The following PAPPA variants were observed in gnomAD, a reference collection of about 807,000 sequenced individuals.
PAPPA encodes pappalysin 1.
In PAPPA, 60 loss-of-function variants were observed where a neutral mutation model predicts 164.0. That is an observed-to-expected ratio of 0.37 (90% CI 0.30 to 0.45). The LOEUF (loss-of-function observed/expected upper bound fraction) is 0.45. Ranked by LOEUF, PAPPA falls within the 20% of genes least tolerant of loss-of-function variation. The pLI is 1.00. For missense variants in PAPPA, 1,782 were observed against 2,087.3 expected, an observed-to-expected ratio of 0.85 and a Z score of 2.85; for synonymous variants, 875 against 814.1, an observed-to-expected ratio of 1.07 and a Z score of -1.27.
chr9:116,157,871 C>A (rs1330325555), intron 1 of PAPPA, among the ~76,000 whole-genome samples: 1 of 152,084 alleles, frequency 6.6e-6, no homozygotes, highest in Non-Finnish European at 1.5e-5. Context: ...AGGAACCAGA[C>A]CCCTGTTCCT....
chr9:116,291,134 T>G (rs1845430710), intron 9 of PAPPA, among the ~76,000 whole-genome samples: 1 of 152,210 alleles, frequency 6.6e-6, no homozygotes, highest in Admixed American at 6.5e-5. Flanking sequence ...ACAATCTTTT[T>G]AAGCCATTCA....
intron 1 of PAPPA, among the ~76,000 whole-genome samples, chr9:116,177,668 C>T (rs914891857): frequency 6.6e-6 from 1 of 152,138 alleles, no homozygotes; most frequent in Non-Finnish European, 1.5e-5. Context: ...TCATTGTCTC[C>T]AGGCTTGATG....
chr9:116,211,566 G>A, intron 3 of PAPPA, 73 bp from the exon 4 acceptor site: 4 of 1,359,330 alleles, frequency 2.9e-6, no homozygotes, highest in Non-Finnish European at 4.1e-6. Flanking sequence ...CTTTATCCTT[G>A]ATGGACTTGG....
intron 4 of PAPPA, among the ~76,000 whole-genome samples, chr9:116,212,474 A>G (rs957219974): frequency 6.6e-6 from 1 of 152,138 alleles, no homozygotes; most frequent in Admixed American, 6.5e-5. Context: ...TTAGAACAAG[A>G]CACCCCTTCC....
chr9:116,185,292 G>GA (rs775077053), intron 1 of PAPPA, among the ~76,000 whole-genome samples: 19 of 152,164 alleles, frequency 1.2e-4, no homozygotes, highest in Non-Finnish European at 2.5e-4. Context: ...GCCATTTCCT[G>GA]AAAAATGGCT....
chr9:116,275,856 C>T (rs564074611), intron 9 of PAPPA, among the ~76,000 whole-genome samples: 4 of 152,212 alleles, frequency 2.6e-5, no homozygotes, highest in Non-Finnish European at 2.9e-5. Context: ...CCCACACATC[C>T]GGAAGTATTC....
intron 5 of PAPPA, among the ~76,000 whole-genome samples, chr9:116,224,899 T>C (rs1844486861): frequency 6.7e-6 from 1 of 149,160 alleles, no homozygotes; most frequent in Non-Finnish European, 1.5e-5. Context: ...TGTTTGTGTG[T>C]GTTTATGTGT....
rs192931119 is a variant in PAPPA at position 116,368,831 on chromosome 9, C to A, written c.4605+1077C>A. ...CTGCTGCAGATCACACTCTGGATAGCTGGGCAGAACCTGATACTGGGTGTA... is the reference window on the plus strand; with the variant it reads ...CTGCTGCAGATCACACTCTGGATAGATGGGCAGAACCTGATACTGGGTGTA... On this transcript the variant is annotated intron_variant, in intron 19 of 21. Transcript: ENST00000328252. Among the ~76,000 whole-genome samples, 8 of 152,258 alleles carry A rather than the reference C, an allele frequency of 5.3e-5. No individual in the cohort carries two copies. The East Asian group carries it at 1.5e-3, about 29-fold the overall frequency.
At chr9:116,285,135 CTT>C (rs1192345639) in intron 9 of PAPPA, among the ~76,000 whole-genome samples, 2 of 136,308 alleles carry the variant, frequency 1.5e-5, no homozygotes, top group African/African-American at 5.4e-5. Flanking sequence ...TTTTCTTTTT[CTT>C]TTTTCTTTCT....
At chr9:116,247,030 TA>T (rs967329443) in intron 7 of PAPPA, among the ~76,000 whole-genome samples, 21 of 150,650 alleles carry the variant, frequency 1.4e-4, no homozygotes, top group African/African-American at 4.6e-4. Flanking sequence ...TCTCCAAGAA[TA>T]AAAAAAAGAG....
intron 2 of PAPPA, among the ~76,000 whole-genome samples, chr9:116,196,043 G>A (rs1490230378): frequency 6.6e-6 from 1 of 152,168 alleles, no homozygotes; most frequent in Non-Finnish European, 1.5e-5. Flanking sequence ...TGAATAGTGA[G>A]TAGGGAAGGA....
At chr9:116,394,263 G>A (rs1230469154) in intron 21 of PAPPA, among the ~76,000 whole-genome samples, 1 of 152,168 alleles carries the variant, frequency 6.6e-6, no homozygotes, top group Non-Finnish European at 1.5e-5. Context: ...CAGCATATAT[G>A]TATTTGGCAC....
intron 21 of PAPPA, among the ~76,000 whole-genome samples, chr9:116,389,373 T>C (rs942674541): frequency 1.3e-5 from 2 of 152,110 alleles, no homozygotes; most frequent in African/African-American, 4.8e-5. Context: ...CCTCGCAGAA[T>C]AGTCCTTTTA....
intron 13 of PAPPA, among the ~76,000 whole-genome samples, chr9:116,337,300 C>T (rs1280473426): frequency 6.6e-6 from 1 of 152,186 alleles, no homozygotes; most frequent in Non-Finnish European, 1.5e-5. Flanking sequence ...GCAGGAGCAC[C>T]TCCTCCTGAG....
chr9:116,367,627 ATGCTG>A lies in PAPPA; in HGVS notation c.4496-16_4496-12del. The A allele has an allele frequency of 6.3e-7, 1 of 1,593,560 alleles. No homozygotes were observed. Among genetic ancestry groups the A allele is most frequent in the Non-Finnish European group, 8.6e-7 (1 of 1,162,330 alleles). ...GGGTCTCGGGCCTGAGCTGCGCCTC[ATGCTG>A]TACTTCCCTCAGGGTCGGAGTGTGC... On this transcript the variant is annotated splice_polypyrimidine_tract_variant and intron_variant, in intron 18 of 21. Coordinates refer to ENST00000328252, the MANE Select transcript of PAPPA (RefSeq NM_002581.5).
chr9:116,273,194 C>T (rs1486562159), intron 9 of PAPPA, among the ~76,000 whole-genome samples: 1 of 152,120 alleles, frequency 6.6e-6, no homozygotes, highest in East Asian at 1.9e-4. Context: ...GATGCTTGAG[C>T]CTTGACATTC....
intron 9 of PAPPA, among the ~76,000 whole-genome samples, chr9:116,302,263 A>G (rs1423578296): frequency 6.6e-6 from 1 of 152,182 alleles, no homozygotes; most frequent in Admixed American, 6.5e-5. Context: ...CCTTCTTTAT[A>G]TATTTTAAAT....
At chr9:116,353,001 T>TACC in intron 16 of PAPPA, 85 bp downstream of exon 16, 1 of 953,510 alleles carries the variant, frequency 1.0e-6, no homozygotes, top group Non-Finnish European at 1.7e-6. Context: ...AAGCACTCAT[T>TACC]TCTTCACTGG....
intron 19 of PAPPA, 136 bp from the exon 20 acceptor site, chr9:116,377,440 C>A (rs1299022259): frequency 1.5e-5 from 9 of 616,698 alleles, no homozygotes; most frequent in Non-Finnish European, 8.8e-6. Flanking sequence ...CGGGCAAGTT[C>A]TCCATGTAAA....
Sources: allele counts gnomAD v4.1 joint callset (sites outside exome capture counted in the v4.1 genomes callset), GRCh38; gene constraint gnomAD v4.1.1; transcripts MANE v1.5; gene names NCBI Gene and HGNC (gene_info 2026-07-23, HGNC 2026-07-21).